KCNQ1: variants seen among roughly 807,000 people sequenced by gnomAD.
The protein encoded by KCNQ1 is potassium voltage-gated channel subfamily Q member 1, also known as potassium voltage-gated channel subfamily KQT member 1.
A neutral mutation model predicts 72.4 loss-of-function variants in KCNQ1; 49 were observed. The observed-to-expected ratio is 0.68, with a 90% confidence interval of 0.54 to 0.86. The LOEUF (loss-of-function observed/expected upper bound fraction) is 0.86, where lower values mean the gene tolerates loss of function less well. Among genes scored for constraint, KCNQ1 ranks in the 40% least tolerant of loss-of-function variants. The pLI, the probability that KCNQ1 is intolerant of heterozygous loss-of-function variation, is 0.00. For synonymous variants in KCNQ1, 450 were observed against 412.6 expected (o/e 1.09, Z -1.10); for missense variants, 790 against 945.1 (o/e 0.84, Z 2.15).
In KCNQ1 at chr11:2,645,304, G is replaced by C. The variant is rs1590001960; in HGVS notation, c.1394-16657G>C. Reference sequence around the variant, plus strand: ...TCCTCAAGCCCCCAGGAGTGCTCAGGTGCCAACAATACTGGATAGGGCAGG... The same window carrying C: ...TCCTCAAGCCCCCAGGAGTGCTCAGCTGCCAACAATACTGGATAGGGCAGG... On this transcript the variant is annotated intron_variant, in intron 10 of 15. Transcript: ENST00000155840. This position sits in a 1 kb window ranked among gnomAD's most constrained non-coding sequence, Gnocchi z 5.8. 2.5e-6 allele frequency: 1 copy of C among 398,698 alleles called. No homozygotes were observed. Among genetic ancestry groups the C allele is most frequent in the African/African-American group, 2.1e-5 (1 of 48,744 alleles). 24.7% of individuals were successfully genotyped at this position (398,698 alleles called of 1,614,324 possible). A position where few individuals can be genotyped will look rare whatever the true frequency, so the allele number is the denominator to read the frequency against.
chr11:2,699,761 GCGCTGA>G, intron 11 of KCNQ1: 1 of 363,914 alleles, frequency 2.7e-6, no homozygotes. Context: ...GAAGAGCGCC[GCGCTGA>G]GGAGCCCCGA....
intron 6 of KCNQ1, 101 bp downstream of exon 6, chr11:2,573,087 G>A: frequency 7.1e-7 from 1 of 1,417,544 alleles, no homozygotes; most frequent in South Asian, 1.4e-5. Context: ...GCCTTGGCAG[G>A]GGCTTCTCAC....
intron 1 of KCNQ1, among the ~76,000 whole-genome samples, chr11:2,496,356 G>T (rs996264541): frequency 1.3e-5 from 2 of 151,964 alleles, no homozygotes; most frequent in African/African-American, 4.8e-5. Context: ...AGAATGGCGT[G>T]AACCCGGGAG....
chr11:2,453,845 G>A (rs1471217391), intron 1 of KCNQ1, among the ~76,000 whole-genome samples: 1 of 152,238 alleles, frequency 6.6e-6, no homozygotes, highest in Non-Finnish European at 1.5e-5. Context: ...CCCATTGTAG[G>A]AGACTGGTTG....
intron 15 of KCNQ1, 97 bp from the exon 16 acceptor site, chr11:2,847,670 A>C: frequency 8.6e-7 from 1 of 1,164,804 alleles, no homozygotes; most frequent in Non-Finnish European, 1.2e-6. Flanking sequence ...GACGGTTGGC[A>C]CCTTCCCTTC....
Position 2,670,374 on chromosome 11 carries a change from T to A in KCNQ1, c.1514+8293T>A. 1.0e-5 allele frequency: 4 copies of A among 398,452 alleles called. No individual in the cohort carries two copies. The highest frequency in any genetic ancestry group is 1.8e-5 in the Non-Finnish European group (4 of 226,056). 24.7% of individuals were successfully genotyped at this position (398,452 alleles called of 1,614,324 possible). On this transcript the variant is annotated intron_variant, in intron 11 of 15. Coordinates refer to ENST00000155840, the MANE Select transcript of KCNQ1 (RefSeq NM_000218.3). This position sits in a 1 kb window ranked among gnomAD's most constrained non-coding sequence, Gnocchi z 4.9. ...TCAGATGGTTAGTATAGGCTGAAAT[T>A]CCAAGAGCATTAACCAGACACCTAC...
chr11:2,737,969 C>T (rs1277595974), intron 11 of KCNQ1, among the ~76,000 whole-genome samples: 2 of 152,120 alleles, frequency 1.3e-5, no homozygotes, highest in African/African-American at 4.8e-5. Context: ...CAGCTTCATC[C>T]ATTTCCTGCT....
rs1590020898 is a variant in KCNQ1 at position 2,669,903 on chromosome 11, G to T, written c.1514+7822G>T. On this transcript the variant is annotated intron_variant, in intron 11 of 15. Transcript: ENST00000155840. This position sits in a 1 kb window ranked among gnomAD's most constrained non-coding sequence, Gnocchi z 5.6. ...TGTCCTTAATAAGATGTGCCTAGAG[G>T]CCTGAGAGTCCCAAGCTCCAGGACA... 2 of 398,582 alleles carry T rather than the reference G, an allele frequency of 5.0e-6. No individual in the cohort carries two copies. The highest frequency in any genetic ancestry group is 8.8e-6 in the Non-Finnish European group (2 of 226,076). The allele number at this position is 398,582 out of a possible 1,614,324, so 24.7% of individuals were successfully genotyped here. A position where few individuals can be genotyped will look rare whatever the true frequency, so the allele number is the denominator to read the frequency against.
rs998220002 is a variant in KCNQ1, at chr11:2,463,453, G to A, written c.386+17969G>A. On this transcript the variant is annotated intron_variant, in intron 1 of 15. Coordinates refer to ENST00000155840, the MANE Select transcript of KCNQ1 (RefSeq NM_000218.3). The surrounding 1 kb of genome is among the most constrained non-coding windows in gnomAD (Gnocchi z 7.0). ...GTGGAATGTTCTGGTTGTCCTTGGTGCAGGTGGCGGGCGGGGCTGGGGGGC... is the reference window on the plus strand; with the variant it reads ...GTGGAATGTTCTGGTTGTCCTTGGTACAGGTGGCGGGCGGGGCTGGGGGGC... 1.1e-4 allele frequency among the ~76,000 whole-genome samples: 16 copies of A among 152,196 alleles called. No individual in the cohort carries two copies.
chr11:2,836,489 C>T (rs764433634), intron 15 of KCNQ1, among the ~76,000 whole-genome samples: 40 of 152,198 alleles, frequency 2.6e-4, no homozygotes, highest in Non-Finnish European at 5.4e-4. Context: ...CCACCAAGCT[C>T]CCCAGAAGAG....
chr11:2,573,538 G>A (rs966050027), intron 6 of KCNQ1, among the ~76,000 whole-genome samples: 13 of 152,202 alleles, frequency 8.5e-5, no homozygotes, highest in African/African-American at 3.1e-4. Flanking sequence ...GTGGATGCTG[G>A]GCCTGCAAGT....
intron 1 of KCNQ1, among the ~76,000 whole-genome samples, chr11:2,514,551 C>T (rs990618886): frequency 2.0e-5 from 3 of 152,178 alleles, no homozygotes; most frequent in African/African-American, 7.2e-5. Flanking sequence ...CGAGGTGGCT[C>T]ATGGGCGCGG....
intron 10 of KCNQ1, chr11:2,637,019 A>G (rs1439600706): frequency 6.6e-6 from 1 of 152,016 alleles, no homozygotes; most frequent in Non-Finnish European, 1.5e-5. Context: ...TTTCTGTGGG[A>G]TCGGTGGTGA....
rs756441859 is a variant in KCNQ1 at position 2,678,202 on chromosome 11, T to G, written c.1514+16121T>G. ...GTGGCAGAATTTTTTTAATTTCACA[T>G]AGTCAGCTGTGTCAGTCTTTTATGG... On this transcript the variant is annotated intron_variant, in intron 11 of 15. Transcript: ENST00000155840. The surrounding 1 kb of genome is among the most constrained non-coding windows in gnomAD (Gnocchi z 4.9). The G allele has an allele frequency of 2.5e-6, 1 of 398,278 alleles. No homozygotes were observed. The highest frequency in any genetic ancestry group is 2.1e-5 in the African/African-American group (1 of 48,640). The allele number at this position is 398,278 out of a possible 1,614,324, so 24.7% of individuals were successfully genotyped here.
At chr11:2,614,471 A>G (rs1849028755) in intron 10 of KCNQ1, 1 of 398,358 alleles carries the variant, frequency 2.5e-6, no homozygotes, top group South Asian at 1.3e-4. Flanking sequence ...CTCAAGTCAT[A>G]AAGATTTACT....
Position 2,508,008 on chromosome 11 carries a change from G to A in KCNQ1, c.387-19920G>A, listed in dbSNP as rs1427995608. Reference sequence around the variant, plus strand: ...CACGTATGTGGGAGTCTGGGTCCTGGTGGGTCCCAGCCCCGTACATGGAGG... The same window carrying A: ...CACGTATGTGGGAGTCTGGGTCCTGATGGGTCCCAGCCCCGTACATGGAGG... On this transcript the variant is annotated intron_variant, in intron 1 of 15. Transcript: ENST00000155840. The surrounding 1 kb of genome is among the most constrained non-coding windows in gnomAD (Gnocchi z 6.2). Among the ~76,000 whole-genome samples, 1 of 152,034 alleles carries A rather than the reference G, an allele frequency of 6.6e-6. No homozygotes were observed. The highest frequency in any genetic ancestry group is 2.4e-5 in the African/African-American group (1 of 41,384).
chr11:2,751,376 C>A (rs1235578310), intron 11 of KCNQ1, among the ~76,000 whole-genome samples: 1 of 152,224 alleles, frequency 6.6e-6, no homozygotes, highest in East Asian at 1.9e-4. Context: ...AGCGGGTGGG[C>A]TCCCGGAAGG....
intron 15 of KCNQ1, among the ~76,000 whole-genome samples, chr11:2,814,546 A>G (rs1217284180): frequency 6.6e-6 from 1 of 150,882 alleles, no homozygotes; most frequent in African/African-American, 2.4e-5. Flanking sequence ...GGGTGAGCTG[A>G]TGGAGAAATG....
intron 1 of KCNQ1, among the ~76,000 whole-genome samples, chr11:2,456,644 G>A (rs973408471): frequency 1.1e-4 from 16 of 151,586 alleles, no homozygotes; most frequent in African/African-American, 3.1e-4. Context: ...CAAAAGGGCC[G>A]GGCGCGGTGG....
Sources: gnomAD v4.1 joint callset for allele counts (sites outside exome capture counted in the v4.1 genomes callset) on GRCh38, gnomAD v4.1.1 for gene constraint, Gnocchi (gnomAD v3.1) non-coding constraint, MANE v1.5 for transcripts, NCBI Gene and HGNC (gene_info 2026-07-23, HGNC 2026-07-21) for gene names.